The following PRKN variants were observed in gnomAD, a reference collection of about 807,000 sequenced individuals.
The protein encoded by PRKN is parkin RBR E3 ubiquitin protein ligase, also known as E3 ubiquitin-protein ligase parkin.
In PRKN, 56 loss-of-function variants were observed where a neutral mutation model predicts 59.5. The observed-to-expected ratio is 0.94, with a 90% CI of 0.76 to 1.18. The LOEUF (loss-of-function observed/expected upper bound fraction) is 1.18. Ranked by LOEUF, PRKN falls within the 50% of genes most tolerant of loss-of-function variation. The pLI, the probability that PRKN is intolerant of heterozygous loss-of-function variation, is 0.00. For missense variants in PRKN, 657 were observed against 596.4 expected (o/e 1.10, Z -1.06); for synonymous variants, 250 against 222.1 (o/e 1.13, Z -1.12).
At chr6:162,216,550 AAAAAAAAAAAAAAAC>A (rs1562587992) in intron 3 of PRKN, among the ~76,000 whole-genome samples, 2 of 150,398 alleles carry the variant, frequency 1.3e-5, no homozygotes, top group African/African-American at 4.9e-5. Context: ...AAAAAAAAAA[AAAAAAAAAAAAAAAC>A]CCAGTTTGCC....
chr6:162,626,360 G>T (rs2849510), intron 1 of PRKN, among the ~76,000 whole-genome samples: 139,565 of 152,254 alleles, frequency 0.92, 64,124 homozygotes, highest in Admixed American at 0.97. Flanking sequence ...CATAATACTT[G>T]CACTTCCAAA....
At chr6:162,238,684 G>A (rs1778849606) in intron 3 of PRKN, among the ~76,000 whole-genome samples, 2 of 152,168 alleles carry the variant, frequency 1.3e-5, no homozygotes, top group Non-Finnish European at 2.9e-5. Flanking sequence ...TATTCATTCT[G>A]CTGCATTGGT....
In PRKN at chr6:161,499,152, TCA is replaced by T. The variant is rs1777865503; in HGVS notation, c.1083+49700_1083+49701del. On this transcript the variant is annotated intron_variant, in intron 9 of 11. Transcript: ENST00000366898. This position sits in a 1 kb window ranked among gnomAD's most constrained non-coding sequence, Gnocchi z 4.2. ...CACACATTTTTTTTTTTTTTTTGGC[TCA>T]CAGAGTGCTTGAAAAGAATCTAAGA... 1.3e-5 allele frequency among the ~76,000 whole-genome samples: 2 copies of T among 148,222 alleles called. No homozygotes were observed. Among genetic ancestry groups the T allele is most frequent in the Non-Finnish European group, 3.0e-5 (2 of 67,280 alleles).
intron 6 of PRKN, among the ~76,000 whole-genome samples, chr6:161,906,659 C>T (rs866709948): frequency 7.6e-4 from 88 of 116,504 alleles, no homozygotes; most frequent in African/African-American, 2.9e-3. Flanking sequence ...ATAGAACATA[C>T]ATATATATAT....
Position 161,467,459 on chromosome 6 carries a change from T to A in PRKN, c.1084-80582A>T, listed in dbSNP as rs1223496097. ...GGGCATTTAAGAGTGTAATGACGAG[T>A]AAGATGGGCATTTCTCTGTAAGCAT... On this transcript the variant is annotated intron_variant, in intron 9 of 11. Transcript: ENST00000366898. The surrounding 1 kb of genome is among the most constrained non-coding windows in gnomAD (Gnocchi z 4.3). Among the ~76,000 whole-genome samples the A allele has an allele frequency of 1.3e-5, 2 of 152,064 alleles. No individual in the cohort carries two copies. The highest frequency in any genetic ancestry group is 2.9e-5 in the Non-Finnish European group (2 of 68,010).
At chr6:162,095,565 A>C (rs1167658765) in intron 4 of PRKN, among the ~76,000 whole-genome samples, 2 of 152,184 alleles carry the variant, frequency 1.3e-5, no homozygotes, top group Admixed American at 1.3e-4. Flanking sequence ...TAATAATGTA[A>C]TGAATTTTAT....
intron 10 of PRKN, among the ~76,000 whole-genome samples, chr6:161,382,437 T>C (rs542588985): frequency 4.6e-5 from 7 of 152,258 alleles, no homozygotes; most frequent in South Asian, 4.1e-4. Flanking sequence ...CTGAAATTGA[T>C]CTCTTCTGCG....
At chr6:161,408,123 C>T (rs1000055609) in intron 9 of PRKN, among the ~76,000 whole-genome samples, 1 of 152,124 alleles carries the variant, frequency 6.6e-6, no homozygotes, top group African/African-American at 2.4e-5. Flanking sequence ...TCTCTAACTT[C>T]CTCTTCTAGG....
At chr6:161,762,421 G>A (rs1789239550) in intron 7 of PRKN, among the ~76,000 whole-genome samples, 1 of 152,130 alleles carries the variant, frequency 6.6e-6, no homozygotes, top group Admixed American at 6.5e-5. Context: ...GAAGGGTTAA[G>A]TCAGGGTCTT....
In PRKN at chr6:161,549,019, A is replaced by C; in HGVS notation, c.934-16T>G. The C allele has an allele frequency of 6.2e-7, 1 of 1,612,852 alleles. No homozygotes were observed. Among genetic ancestry groups the C allele is most frequent in the Non-Finnish European group, 8.5e-7 (1 of 1,179,970 alleles). On this transcript the variant is annotated splice_polypyrimidine_tract_variant and intron_variant, in intron 8 of 11. Transcript: ENST00000366898. This position sits in a 1 kb window ranked among gnomAD's most constrained non-coding sequence, Gnocchi z 6.0. ...ACCGGTTGTACTGCAAAACCCAAAA[A>C]GCAGATTGAGCTTTCAAACTGACTG...
chr6:161,656,300 C>T (rs566254473), intron 7 of PRKN, among the ~76,000 whole-genome samples: 8 of 152,290 alleles, frequency 5.3e-5, no homozygotes, highest in South Asian at 4.1e-4. Context: ...GCCATCCATC[C>T]GCGCCTCTCA....
intron 3 of PRKN, among the ~76,000 whole-genome samples, chr6:162,222,197 G>T (rs1251204616): frequency 6.6e-6 from 1 of 152,062 alleles, no homozygotes; most frequent in Non-Finnish European, 1.5e-5. Flanking sequence ...AGTGCAGGTG[G>T]CACCTGTAAA....
At chr6:162,087,144 A>G (rs746582592) in intron 4 of PRKN, among the ~76,000 whole-genome samples, 10 of 152,182 alleles carry the variant, frequency 6.6e-5, no homozygotes, top group Non-Finnish European at 1.2e-4. Context: ...TACATCCCCA[A>G]GGCAGAGCCA....
intron 5 of PRKN, among the ~76,000 whole-genome samples, chr6:162,015,949 T>C (rs1440140133): frequency 6.6e-6 from 1 of 152,130 alleles, no homozygotes; most frequent in East Asian, 1.9e-4. Flanking sequence ...AAACAGAACC[T>C]TTGTACAATA....
chr6:161,360,142 TGGTTTCTTTG>T lies in PRKN; in HGVS notation c.1221_1230del (p.Lys408SerfsTer24). 1 of 1,614,200 alleles carries T rather than the reference TGGTTTCTTTG, an allele frequency of 6.2e-7. No individual in the cohort carries two copies. The highest frequency in any genetic ancestry group is 8.5e-7 in the Non-Finnish European group (1 of 1,180,030). ...GGACAGGGCTTGGTGGTTTTCTTGA[TGGTTTCTTTG>T]GAGGCTGCTTCCCAACGAGCCTGCT... On this transcript the variant is annotated frameshift_variant, in exon 11 of 12. Coordinates refer to ENST00000366898, the MANE Select transcript of PRKN (RefSeq NM_004562.3). LOFTEE classifies it high-confidence loss of function. This position sits in a 1 kb window ranked among gnomAD's most constrained non-coding sequence, Gnocchi z 5.1.
rs1787985545 is a variant in PRKN, at chr6:161,419,345, A to G, written c.1084-32468T>C. ...AGGAGATTTTTGGCCCTAGAACCTGAGGTCCTAACCACAACACAGAGGGCC... is the reference window on the plus strand; with the variant it reads ...AGGAGATTTTTGGCCCTAGAACCTGGGGTCCTAACCACAACACAGAGGGCC... On this transcript the variant is annotated intron_variant, in intron 9 of 11. Coordinates refer to ENST00000366898, the MANE Select transcript of PRKN (RefSeq NM_004562.3). This position sits in a 1 kb window ranked among gnomAD's most constrained non-coding sequence, Gnocchi z 4.1. 6.6e-6 allele frequency among the ~76,000 whole-genome samples: 1 copy of G among 152,042 alleles called. No homozygotes were observed. Among genetic ancestry groups the G allele is most frequent in the Non-Finnish European group, 1.5e-5 (1 of 67,998 alleles).
At chr6:162,263,117 T>C in intron 2 of PRKN, 1 of 340,542 alleles carries the variant, frequency 2.9e-6, no homozygotes, top group Non-Finnish European at 5.6e-6. Flanking sequence ...TCTCACTCTG[T>C]CATCCAGGCT....
At chr6:162,531,296 C>T (rs1325723932) in intron 1 of PRKN, among the ~76,000 whole-genome samples, 1 of 152,088 alleles carries the variant, frequency 6.6e-6, no homozygotes, top group African/African-American at 2.4e-5. Context: ...TCAAGGGGTT[C>T]ACCTTGCTCG....
intron 1 of PRKN, among the ~76,000 whole-genome samples, chr6:162,663,596 T>C (rs995328493): frequency 3.9e-5 from 6 of 152,070 alleles, no homozygotes; most frequent in African/African-American, 1.4e-4. Context: ...AGATTAGAAC[T>C]TGCACTGGTT....
Sources: gnomAD v4.1 joint callset for allele counts (sites outside exome capture counted in the v4.1 genomes callset) on GRCh38, gnomAD v4.1.1 for gene constraint, Gnocchi (gnomAD v3.1) non-coding constraint, MANE v1.5 for transcripts, NCBI Gene and HGNC (gene_info 2026-07-23, HGNC 2026-07-21) for gene names.